Variants in ZNF280C observed in about 807,000 individuals in gnomAD.
ZNF280C encodes the protein zinc finger protein 280C.
A neutral mutation model predicts 53.6 loss-of-function variants in ZNF280C; 14 were observed. The ratio of observed to expected loss-of-function variants is 0.26; its 90% CI spans 0.17 to 0.41. The LOEUF is 0.41. Ranked by LOEUF, ZNF280C falls within the 10% of genes least tolerant of loss-of-function variation. The pLI, the probability that ZNF280C is intolerant of heterozygous loss-of-function variation, is 1.00. For synonymous variants in ZNF280C, 203 were observed against 181.1 expected (o/e 1.12, Z -0.97); for missense variants, 416 against 547.1 (o/e 0.76, Z 2.39).
intron 2 of ZNF280C, among the ~76,000 whole-genome samples, chrX:130,254,518 C>T (rs980244951): frequency 1.8e-5 from 2 of 112,079 alleles, no homozygotes; most frequent in African/African-American, 6.5e-5. Context: ...AAATGCCCAT[C>T]AATGGTAGAC....
At chrX:130,244,801 G>A (rs2764728) in intron 3 of ZNF280C, among the ~76,000 whole-genome samples, 38 of 34,793 alleles carry the variant, frequency 1.1e-3, no homozygotes, top group African/African-American at 2.9e-3. Context: ...AAAAAAAAAA[G>A]AGAGAAAAGA....
At chrX:130,253,020 T>C (rs888738501) in intron 2 of ZNF280C, among the ~76,000 whole-genome samples, 3 of 111,697 alleles carry the variant, frequency 2.7e-5, no homozygotes, top group East Asian at 5.6e-4. Flanking sequence ...GAAAACCCCA[T>C]AGTCTCTGCC....
chrX:130,229,206 T>A, intron 9 of ZNF280C, 72 bp from the exon 10 acceptor site: 1 of 996,861 alleles, frequency 1.0e-6, no homozygotes, highest in East Asian at 3.1e-5. Flanking sequence ...AATAAGTCTC[T>A]GAAAATAAAT....
chrX:130,208,788 C>T (rs1318232713), intron 16 of ZNF280C, among the ~76,000 whole-genome samples: 20 of 109,013 alleles, frequency 1.8e-4, no homozygotes, highest in African/African-American at 6.7e-4. Flanking sequence ...CTCTGCCCTC[C>T]GGGTTCAAGC....
intron 1 of ZNF280C, among the ~76,000 whole-genome samples, chrX:130,265,789 T>A (rs184665895): frequency 5.1e-4 from 57 of 112,637 alleles, no homozygotes; most frequent in Admixed American, 3.1e-3. Context: ...GAAATATTCC[T>A]CAACAGTACT....
At chrX:130,243,939 C>G in intron 3 of ZNF280C, 74 bp from the exon 4 acceptor site, 1 of 614,124 alleles carries the variant, frequency 1.6e-6, no homozygotes, top group Non-Finnish European at 2.4e-6. Flanking sequence ...CCTCCAAAAA[C>G]ATATCTTTGC....
chrX:130,235,054 T>C (rs751737409), intron 8 of ZNF280C, among the ~76,000 whole-genome samples: 45 of 111,392 alleles, frequency 4.0e-4, no homozygotes, highest in Non-Finnish European at 7.2e-4. Flanking sequence ...CACAGGGTAA[T>C]GCGACATGGA....
At position 130,239,642 on chromosome X, in the gene ZNF280C, A is replaced by G. The variant is rs753374493; in HGVS notation, c.433T>C (p.Phe145Leu). The change falls in exon 6 of 19, where the codon TTT becomes CTT. Residue 145 changes from phenylalanine to leucine, a missense_variant. This residue lies in a region of ZNF280C where 193 missense variants were observed against 201.4 expected (regional missense o/e 0.96). Transcript: ENST00000370978. ...GGTAGTGATTCCTGGGTCGAGTCAA[A>G]CAGTAAAATTGAAGAATTATCCGAT... ...VGSDNSSILL[F>L]DSTQESLPPS... 1 of 1,203,159 alleles carries G rather than the reference A, an allele frequency of 8.3e-7. No individual in the cohort carries two copies. The highest frequency in any genetic ancestry group is 2.2e-5 in the Admixed American group (1 of 45,932).
intron 13 of ZNF280C, among the ~76,000 whole-genome samples, chrX:130,218,866 T>TA (rs2032132393): frequency 9.0e-6 from 1 of 111,470 alleles, no homozygotes; most frequent in African/African-American, 3.3e-5. Context: ...CTATAAGACA[T>TA]ATAGTATCAT....
intron 2 of ZNF280C, among the ~76,000 whole-genome samples, chrX:130,250,100 T>C (rs920395398): frequency 7.2e-5 from 8 of 111,292 alleles, no homozygotes; most frequent in African/African-American, 2.0e-4. Context: ...CAAAAAAATA[T>C]AGAGAAAAAA....
At chrX:130,261,106 C>G (rs1290247337) in intron 1 of ZNF280C, among the ~76,000 whole-genome samples, 1 of 111,797 alleles carries the variant, frequency 8.9e-6, no homozygotes, top group Non-Finnish European at 1.9e-5. Context: ...CTGTTCATTG[C>G]CTTTTGTGCT....
chrX:130,215,149 A>C (rs763500201), intron 15 of ZNF280C, 44 bp downstream of exon 15: 2 of 1,188,657 alleles, frequency 1.7e-6, no homozygotes. Context: ...AAAACAAATG[A>C]CCCAAATGGA....
intron 2 of ZNF280C, among the ~76,000 whole-genome samples, chrX:130,247,584 C>A (rs923367337): frequency 1.8e-5 from 2 of 111,317 alleles, no homozygotes; most frequent in African/African-American, 6.5e-5. Context: ...CTTGGCTAGA[C>A]AGATAGATAA....
intron 13 of ZNF280C, among the ~76,000 whole-genome samples, chrX:130,220,137 C>A (rs1436409708): frequency 9.0e-6 from 1 of 110,757 alleles, no homozygotes. Context: ...GGGTATCCAT[C>A]ACCTCAAGTA....
intron 2 of ZNF280C, among the ~76,000 whole-genome samples, chrX:130,253,304 T>C (rs2124714057): frequency 8.9e-6 from 1 of 112,806 alleles, no homozygotes; most frequent in African/African-American, 3.2e-5. Context: ...CGCTCATGAA[T>C]TGGATGAATC....
chrX:130,212,691 T>TA (rs1361083897), intron 15 of ZNF280C, among the ~76,000 whole-genome samples: 1 of 107,144 alleles, frequency 9.3e-6, no homozygotes, highest in Non-Finnish European at 1.9e-5. Context: ...GAATACTCTT[T>TA]ATAAATGTTG....
chrX:130,223,156 C>A (rs2124701469), intron 12 of ZNF280C, among the ~76,000 whole-genome samples: 1 of 110,586 alleles, frequency 9.0e-6, no homozygotes, highest in Admixed American at 9.6e-5. Flanking sequence ...CTCCCGGGTT[C>A]ATGTGATTCT....
At chrX:130,263,041 A>G (rs1274096109) in intron 1 of ZNF280C, among the ~76,000 whole-genome samples, 2 of 112,574 alleles carry the variant, frequency 1.8e-5, no homozygotes, top group East Asian at 2.8e-4. Context: ...TAGGATGGCT[A>G]GAATTAAAAG....
intron 8 of ZNF280C, among the ~76,000 whole-genome samples, chrX:130,231,291 G>A (rs773235128): frequency 9.0e-6 from 1 of 111,591 alleles, no homozygotes; most frequent in Admixed American, 9.5e-5. Context: ...TCACAATAGC[G>A]AAGACATGGA....
Sources: allele counts gnomAD v4.1 joint callset (sites outside exome capture counted in the v4.1 genomes callset), GRCh38; gene constraint gnomAD v4.1.1; regional missense constraint gnomAD v4.1.1; transcripts MANE v1.5; gene names NCBI Gene and HGNC (gene_info 2026-07-23, HGNC 2026-07-21).